Variants in ECT2 observed in about 807,000 individuals in gnomAD.
ECT2 encodes the protein epithelial cell transforming 2, also known as protein ECT2.
Under a neutral mutation model 116.9 loss-of-function variants are expected in ECT2, and 61 were observed. That is an observed-to-expected ratio of 0.52 (90% confidence interval 0.42 to 0.65). ECT2 has a LOEUF of 0.65. Among genes scored for constraint, ECT2 ranks in the 30% least tolerant of loss-of-function variants. The pLI, the probability that ECT2 is intolerant of heterozygous loss-of-function variation, is 0.00. For missense variants in ECT2, 937 were observed against 1,078.7 expected (o/e 0.87, Z 1.84); for synonymous variants, 358 against 346.4 (o/e 1.03, Z -0.37).
chr3:172,758,630 A>G (rs1018709561), intron 5 of ECT2, among the ~76,000 whole-genome samples: 1 of 152,172 alleles, frequency 6.6e-6, no homozygotes, highest in African/African-American at 2.4e-5. Flanking sequence ...TGTTTTAATG[A>G]CATTAATTAG....
intron 1 of ECT2, chr3:172,752,545 A>G (rs1309261745): frequency 1.3e-5 from 2 of 151,792 alleles, no homozygotes; most frequent in African/African-American, 4.8e-5. Context: ...AGCCACTTTA[A>G]TGCCTTTTCA....
In ECT2 at chr3:172,773,779, G is replaced by A. The variant is rs546389207; in HGVS notation, c.1429-124G>A. ...TATGGGGAAAATGTCTCAAATTTAG[G>A]GAGAGTATTTTTTATTATTACTTCC... On this transcript the variant is annotated intron_variant, in intron 13 of 24. Coordinates refer to ENST00000392692, the MANE Select transcript of ECT2 (RefSeq NM_001258315.2). 1.0e-5 allele frequency: 10 copies of A among 971,588 alleles called. No homozygotes were observed. The Middle Eastern group carries it at 9.5e-4, about 92-fold the overall frequency. The allele number at this position is 971,588 out of a possible 1,614,324, so 60.2% of individuals were successfully genotyped here. A position where few individuals can be genotyped will look rare whatever the true frequency, so the allele number is the denominator to read the frequency against.
intron 18 of ECT2, among the ~76,000 whole-genome samples, chr3:172,801,050 T>G (rs1338479248): frequency 6.6e-6 from 1 of 152,186 alleles, no homozygotes; most frequent in African/African-American, 2.4e-5. Context: ...TTTCTTGCAG[T>G]TTTTAGAATT....
chr3:172,770,111 G>T (rs1720326460), intron 13 of ECT2, among the ~76,000 whole-genome samples: 1 of 152,120 alleles, frequency 6.6e-6, no homozygotes, highest in Non-Finnish European at 1.5e-5. Flanking sequence ...AGCAGTCAGG[G>T]TTTTATGAGG....
At chr3:172,796,478 G>T (rs1209431921) in intron 18 of ECT2, 1 of 152,052 alleles carries the variant, frequency 6.6e-6, no homozygotes, top group African/African-American at 2.4e-5. Flanking sequence ...CTTCTAAACT[G>T]CAGGCATTTT....
At chr3:172,794,829 G>A (rs113733672) in intron 18 of ECT2, among the ~76,000 whole-genome samples, 1,570 of 151,970 alleles carry the variant, frequency 0.01, 34 homozygotes, top group African/African-American at 0.035. Flanking sequence ...ATTCCCCAGC[G>A]TCAGCCTCCC....
Position 172,759,054 on chromosome 3 carries a change from GA to G in ECT2, c.567del (p.Glu190LysfsTer3). On this transcript the variant is annotated frameshift_variant, in exon 6 of 25. Transcript: ENST00000392692. LOFTEE classifies it high-confidence loss of function. Reference protein sequence around the residue: ...NLVLCFTGFRKKEELVRLVTL... With the variant: ...NLVLCFTGFRXKEELVRLVTL... ...TAGTACTATGCTTTACTGGATTTAG[GA>G]AAAAAGAAGAACTAGTAAGTATTAC... 1 of 1,593,874 alleles carries G rather than the reference GA, an allele frequency of 6.3e-7. No individual in the cohort carries two copies. The highest frequency in any genetic ancestry group is 8.5e-7 in the Non-Finnish European group (1 of 1,170,532).
chr3:172,754,346 A>G, intron 1 of ECT2, 163 bp from the exon 2 acceptor site: 1 of 502,400 alleles, frequency 2.0e-6, no homozygotes, highest in African/African-American at 2.0e-5. Flanking sequence ...TTTATTTTAC[A>G]GAAAAAGAAA....
intron 7 of ECT2, 56 bp from the exon 8 acceptor site, chr3:172,761,554 C>A: frequency 4.8e-6 from 6 of 1,248,104 alleles, no homozygotes; most frequent in Non-Finnish European, 4.7e-6. Flanking sequence ...CTGTTTAGAA[C>A]TTCCTTGAAT....
intron 11 of ECT2, among the ~76,000 whole-genome samples, chr3:172,763,305 A>G (rs1718703385): frequency 6.6e-6 from 1 of 152,240 alleles, no homozygotes; most frequent in South Asian, 2.1e-4. Context: ...TGAGTAATGT[A>G]TTTTAGGTAG....
chr3:172,766,014 C>T (rs1293802861), intron 12 of ECT2, among the ~76,000 whole-genome samples: 1 of 152,176 alleles, frequency 6.6e-6, no homozygotes, highest in Non-Finnish European at 1.5e-5. Context: ...ATAGAAATTA[C>T]AGTACTTGTT....
chr3:172,826,955 A>G, the ECT2 span, among the ~76,000 whole-genome samples: 1 of 152,232 alleles, frequency 6.6e-6, no homozygotes, highest in Non-Finnish European at 1.5e-5. Context: ...AGGAAAAAAG[A>G]TCCAATTTTA....
chr3:172,786,324 C>G (rs1490461790), intron 17 of ECT2, among the ~76,000 whole-genome samples, 169 bp from the exon 18 acceptor site: 1 of 152,140 alleles, frequency 6.6e-6, no homozygotes, highest in Admixed American at 6.5e-5. Context: ...GAAACCTTAA[C>G]AGATGTGTAA....
intron 12 of ECT2, among the ~76,000 whole-genome samples, chr3:172,767,669 T>C (rs1009274812): frequency 2.0e-5 from 3 of 152,052 alleles, no homozygotes; most frequent in Non-Finnish European, 4.4e-5. Context: ...AGAAAACAGA[T>C]TTTAAGCTTT....
intron 18 of ECT2, among the ~76,000 whole-genome samples, chr3:172,787,211 T>G (rs1185564415): frequency 6.6e-6 from 1 of 152,156 alleles, no homozygotes; most frequent in Non-Finnish European, 1.5e-5. Flanking sequence ...GCACTTTAAG[T>G]GGACTGTATA....
intron 4 of ECT2, among the ~76,000 whole-genome samples, chr3:172,756,297 A>G (rs939865): frequency 0.48 from 72,797 of 151,956 alleles, 19,902 homozygotes; most frequent in East Asian, 0.69. Context: ...AGTTAAAAAA[A>G]AATTTTTTTT....
At chr3:172,793,065 T>C (rs1039758987) in intron 18 of ECT2, among the ~76,000 whole-genome samples, 1 of 152,172 alleles carries the variant, frequency 6.6e-6, no homozygotes, top group Non-Finnish European at 1.5e-5. Context: ...GCAAGACGGT[T>C]GTATTATTTT....
intron 20 of ECT2, among the ~76,000 whole-genome samples, 157 bp downstream of exon 20, chr3:172,803,137 T>C (rs1201419664): frequency 6.6e-6 from 1 of 152,232 alleles, no homozygotes; most frequent in Non-Finnish European, 1.5e-5. Context: ...GATTTAATAC[T>C]GTTAATAGAA....
At position 172,816,811 on chromosome 3, in the gene ECT2, C is replaced by T. The variant is rs1221596751; in HGVS notation, c.2629C>T (p.Arg877Cys). 1.9e-6 allele frequency: 3 copies of T among 1,602,622 alleles called. No homozygotes were observed. Among genetic ancestry groups the T allele is most frequent in the Non-Finnish European group, 1.7e-6 (2 of 1,172,510 alleles). The change falls in exon 24 of 25, where the codon CGT (arginine) becomes TGT (cysteine). Residue 877 changes from arginine to cysteine, a missense_variant. Physicochemically the swap from Arg to Cys is radical, Grantham distance 180. Coordinates refer to ENST00000392692, the MANE Select transcript of ECT2 (RefSeq NM_001258315.2). ...PSSNDKHVMS[R>C]LSSTSSLAGI... is the part of the protein sequence containing the mutation. ...CAGCAATGATAAGCATGTAATGAGT[C>T]GTCTTTCTAGCACATCATCATTAGC...
Sources: gnomAD v4.1 joint callset for allele counts (sites outside exome capture counted in the v4.1 genomes callset) on GRCh38, gnomAD v4.1.1 for gene constraint, MANE v1.5 for transcripts, NCBI Gene and HGNC (gene_info 2026-07-23, HGNC 2026-07-21) for gene names.